The following GLI2 variants were observed in gnomAD, a reference collection of about 807,000 sequenced individuals.
GLI2 encodes transcription activator GLI2.
In GLI2, 22 loss-of-function variants were observed where a neutral mutation model predicts 78.9. The ratio of observed to expected loss-of-function variants is 0.28; its 90% CI spans 0.20 to 0.40. GLI2 has a LOEUF of 0.40. Among genes scored for constraint, GLI2 ranks in the 10% least tolerant of loss-of-function variants. The pLI, the probability that GLI2 is intolerant of heterozygous loss-of-function variation, is 1.00. For synonymous variants in GLI2, 974 were observed against 963.7 expected (o/e 1.01, Z -0.20); for missense variants, 2,097 against 2,213.2 (o/e 0.95, Z 1.05).
intron 2 of GLI2, among the ~76,000 whole-genome samples, chr2:120,846,793 A>G (rs1001934451): frequency 2.0e-5 from 3 of 152,148 alleles, no homozygotes; most frequent in Non-Finnish European, 2.9e-5. Flanking sequence ...TTTCACCTAT[A>G]AAACCCATGT....
In GLI2 at chr2:120,861,901, C is replaced by T. The variant is rs73949945; in HGVS notation, c.148+64433C>T. Among the ~76,000 whole-genome samples, 1,396 of 152,282 alleles carry T rather than the reference C, an allele frequency of 9.2e-3. 17 individuals are homozygous for T. Among genetic ancestry groups the T allele is most frequent in the African/African-American group, 0.032 (1,335 of 41,570 alleles). On this transcript the variant is annotated intron_variant, in intron 2 of 13. Transcript: ENST00000361492. ...GGGTTGTGTCTGCAGGCTCTGGCAG[C>T]TCGGCAGATTTCAATGAGATGATCG...
At position 120,928,538 on chromosome 2, in the gene GLI2, C is replaced by G. The variant is rs956418181; in HGVS notation, c.254+1072C>G. Among the ~76,000 whole-genome samples, 4 of 152,198 alleles carry G rather than the reference C, an allele frequency of 2.6e-5. No individual in the cohort carries two copies. The East Asian group carries it at 7.7e-4, about 29-fold the overall frequency. ...ATGCTGACATGAATAGGTGTACAAC[C>G]AGTGCTCGCTGAGTGGAGAGCCTCT... On this transcript the variant is annotated intron_variant, in intron 3 of 13. Coordinates refer to ENST00000361492, the MANE Select transcript of GLI2 (RefSeq NM_001374353.1).
intron 2 of GLI2, among the ~76,000 whole-genome samples, chr2:120,841,982 G>GT (rs1470258005): frequency 2.3e-5 from 3 of 130,968 alleles, no homozygotes; most frequent in African/African-American, 5.6e-5. Context: ...CTTTTGGTAA[G>GT]TTTTTTTTAA....
intron 1 of GLI2, among the ~76,000 whole-genome samples, chr2:120,761,046 T>A (rs1433120111): frequency 1.3e-5 from 2 of 152,196 alleles, no homozygotes; most frequent in African/African-American, 4.8e-5. Flanking sequence ...CAGTGAACGC[T>A]GTGGCCAGAC....
intron 2 of GLI2, among the ~76,000 whole-genome samples, chr2:120,919,856 C>T (rs1220985452): frequency 2.6e-5 from 4 of 151,996 alleles, no homozygotes; most frequent in Non-Finnish European, 5.9e-5. Context: ...GGCCAATTGC[C>T]CAAGAAGGAT....
At chr2:120,934,379 C>T (rs935637412) in intron 3 of GLI2, among the ~76,000 whole-genome samples, 2 of 152,228 alleles carry the variant, frequency 1.3e-5, no homozygotes, top group African/African-American at 4.8e-5. Flanking sequence ...TTCCTTTCTC[C>T]TCCTGCCTGG....
At chr2:120,882,963 T>TCCTG (rs1313125986) in intron 2 of GLI2, among the ~76,000 whole-genome samples, 3 of 152,134 alleles carry the variant, frequency 2.0e-5, no homozygotes, top group African/African-American at 7.2e-5. Context: ...AGAGCGGGCA[T>TCCTG]CCTGTCCTTC....
chr2:120,781,247 G>A (rs1048223470), intron 1 of GLI2, among the ~76,000 whole-genome samples: 2 of 152,114 alleles, frequency 1.3e-5, no homozygotes, highest in Non-Finnish European at 2.9e-5. Flanking sequence ...GAGTGCGGGG[G>A]GATGAGGAGA....
At position 120,804,638 on chromosome 2, in the gene GLI2, A is replaced by G. The variant is rs575082526; in HGVS notation, c.148+7170A>G. On this transcript the variant is annotated intron_variant, in intron 2 of 13. Transcript: ENST00000361492. ...AATTACTCTTATTTAAGTGATTTTC[A>G]GGACGGCTGTTGATGCTGCTGGGCT... Among the ~76,000 whole-genome samples, 5 of 152,340 alleles carry G rather than the reference A, an allele frequency of 3.3e-5. No homozygotes were observed. The South Asian group carries it at 1.0e-3, about 32-fold the overall frequency.
chr2:120,986,474 A>G lies in GLI2; in HGVS notation c.2102A>G (p.Gln701Arg). 1 of 1,614,064 alleles carries G rather than the reference A, an allele frequency of 6.2e-7. No homozygotes were observed. Among genetic ancestry groups the G allele is most frequent in the Non-Finnish European group, 8.5e-7 (1 of 1,180,028 alleles). ...ALAAPSAGGL[Q>R]LRKHMTTMHR... ...GCTGCCCCCTCCGCTGGTGGCCTCCAGCTGCGCAAACACATGACCACCATG... is the reference window on the plus strand; with the variant it reads ...GCTGCCCCCTCCGCTGGTGGCCTCCGGCTGCGCAAACACATGACCACCATG... Residue 701 changes from glutamine (Q) to arginine (R), a missense_variant, in exon 13 of 14, where the codon CAG (glutamine) becomes CGG (arginine). Physicochemically the swap from Gln to Arg is conservative, Grantham distance 43. Coordinates refer to ENST00000361492, the MANE Select transcript of GLI2 (RefSeq NM_001374353.1).
chr2:120,739,481 T>C (rs190921809), intron 1 of GLI2, among the ~76,000 whole-genome samples: 1 of 152,260 alleles, frequency 6.6e-6, no homozygotes, highest in African/African-American at 2.4e-5. Flanking sequence ...CTGGGGAAAG[T>C]GTGTTTAGCC....
intron 1 of GLI2, among the ~76,000 whole-genome samples, chr2:120,747,776 G>T (rs1682736486): frequency 1.3e-5 from 2 of 152,200 alleles, no homozygotes; most frequent in African/African-American, 2.4e-5. Context: ...TGCCACTGGG[G>T]CTTCCCAGGG....
At chr2:120,941,644 G>A (rs1002911856) in intron 3 of GLI2, among the ~76,000 whole-genome samples, 1 of 152,206 alleles carries the variant, frequency 6.6e-6, no homozygotes, top group Non-Finnish European at 1.5e-5. Context: ...CCCAGAGGAC[G>A]CCTGCCCAGC....
At position 120,800,615 on chromosome 2, in the gene GLI2, C is replaced by T. The variant is rs1262140010; in HGVS notation, c.148+3147C>T. 8.9e-6 allele frequency among the ~76,000 whole-genome samples: 1 copy of T among 112,296 alleles called. No individual in the cohort carries two copies. Among genetic ancestry groups the T allele is most frequent in the African/African-American group, 2.6e-5 (1 of 38,102 alleles). 73.7% of individuals were successfully genotyped at this position (112,296 alleles called of 152,430 possible). A position where few individuals can be genotyped will look rare whatever the true frequency, so the allele number is the denominator to read the frequency against. ...CCGCCTCCCAGGTTCACGCCATTCT[C>T]CTGCCTCAGCCTCCCAGTAGCTGGG... On this transcript the variant is annotated intron_variant, in intron 2 of 13. Coordinates refer to ENST00000361492, the MANE Select transcript of GLI2 (RefSeq NM_001374353.1). The surrounding 1 kb of genome is among the most constrained non-coding windows in gnomAD (Gnocchi z 4.1).
chr2:120,912,464 C>T (rs1411735546), intron 2 of GLI2, among the ~76,000 whole-genome samples: 1 of 152,112 alleles, frequency 6.6e-6, no homozygotes, highest in African/African-American at 2.4e-5. Context: ...CCCACGGATT[C>T]ATGGACTGGC....
chr2:120,861,325 TG>T (rs1389473612), intron 2 of GLI2, among the ~76,000 whole-genome samples: 2 of 152,172 alleles, frequency 1.3e-5, no homozygotes, highest in Non-Finnish European at 2.9e-5. Context: ...ATAGCAGGTG[TG>T]CCCCATGAGA....
intron 2 of GLI2, among the ~76,000 whole-genome samples, chr2:120,829,733 C>T (rs559411004): frequency 6.6e-6 from 1 of 152,184 alleles, no homozygotes; most frequent in African/African-American, 2.4e-5. Flanking sequence ...ACTGTGTCCA[C>T]CAGGGTGGCT....
chr2:120,790,613 G>A (rs890382566), intron 1 of GLI2, among the ~76,000 whole-genome samples: 7 of 152,204 alleles, frequency 4.6e-5, no homozygotes, highest in Non-Finnish European at 1.0e-4. Context: ...CCTTTGCACA[G>A]CTGCCCACCC....
At chr2:120,872,481 G>A (rs1688515567) in intron 2 of GLI2, among the ~76,000 whole-genome samples, 1 of 152,210 alleles carries the variant, frequency 6.6e-6, no homozygotes, top group Non-Finnish European at 1.5e-5. Context: ...GCCTACCAGA[G>A]ATGAAGGTCA....
Sources: gnomAD v4.1 joint callset for allele counts (sites outside exome capture counted in the v4.1 genomes callset) on GRCh38, gnomAD v4.1.1 for gene constraint, Gnocchi (gnomAD v3.1) non-coding constraint, MANE v1.5 for transcripts, NCBI Gene and HGNC (gene_info 2026-07-23, HGNC 2026-07-21) for gene names.